The following HDGFL1 variants were observed in gnomAD, a reference collection of about 807,000 sequenced individuals.
HDGFL1 encodes the protein HDGF like 1.
For missense variants in HDGFL1, 422 were observed against 365.3 expected (o/e 1.16, Z -1.27); for synonymous variants, 190 against 165.1 (o/e 1.15, Z -1.16).
chr6:22,570,150 A>G lies in HDGFL1; in HGVS notation c.575A>G (p.Asp192Gly), dbSNP rs1253915211. 1.9e-6 allele frequency: 3 copies of G among 1,547,302 alleles called. No individual in the cohort carries two copies. In the Admixed American group the frequency reaches 6.3e-5, roughly 32 times the overall value. ...GCGGCGGCGGCGGCGACGGCCGTCGACGAGGAGAGTCCGTTCCTCGTGGCG... is the reference window on the plus strand; with the variant it reads ...GCGGCGGCGGCGGCGACGGCCGTCGGCGAGGAGAGTCCGTTCCTCGTGGCG... ...AAAAAAATAV[D>G]EESPFLVAVE... Residue 192 changes from aspartate (D) to glycine (G), a missense_variant, in exon 1 of 1, where the codon GAC (aspartate) becomes GGC (glycine). Coordinates refer to ENST00000510882, the MANE Select transcript of HDGFL1 (RefSeq NM_138574.4).
At position 22,571,378 on chromosome 6, in the gene HDGFL1, G is replaced by A. The variant is rs1345605682; in HGVS notation, c.*1047G>A. On this transcript the variant is annotated 3_prime_UTR_variant, in exon 1 of 1. Coordinates refer to ENST00000510882, the MANE Select transcript of HDGFL1 (RefSeq NM_138574.4). ...CTTTCTGTTTGAAGTTTTATGACTT[G>A]TAGTCAGGCTTTGCTGTTCGTCACA... The A allele has an allele frequency of 6.0e-6, 1 of 167,146 alleles. No homozygotes were observed. Among genetic ancestry groups the A allele is most frequent in the African/African-American group, 2.4e-5 (1 of 41,450 alleles). The allele number at this position is 167,146 out of a possible 1,614,324, so 10.4% of individuals were successfully genotyped here.
In HDGFL1 at chr6:22,570,563, G is replaced by A. The variant is rs1037185065; in HGVS notation, c.*232G>A. On this transcript the variant is annotated 3_prime_UTR_variant, in exon 1 of 1. Transcript: ENST00000510882. ...GTCAGGGCCTCAGTTCCCTCCCTGG[G>A]ATAAAGTGAGGCCACCATCCCAGCT... 2.4e-6 allele frequency: 1 copy of A among 416,268 alleles called. No homozygotes were observed. The highest frequency in any genetic ancestry group is 2.1e-5 in the African/African-American group (1 of 48,620). The allele number at this position is 416,268 out of a possible 1,614,324, so 25.8% of individuals were successfully genotyped here.
Position 22,570,804 on chromosome 6 carries a change from T to G in HDGFL1, c.*473T>G. ...CTGGCAGATAAAGAGCAGAGGGCAC[T>G]TGCAGGGCCTGGGATGAGCAGTCTT... On this transcript the variant is annotated 3_prime_UTR_variant, in exon 1 of 1. Transcript: ENST00000510882. The G allele has an allele frequency of 1.2e-5, 2 of 170,810 alleles. No individual in the cohort carries two copies. The highest frequency in any genetic ancestry group is 2.8e-5 in the Non-Finnish European group (2 of 70,860). 10.6% of individuals were successfully genotyped at this position (170,810 alleles called of 1,614,324 possible).
rs770536500 is a variant in HDGFL1, at chr6:22,569,841, A to C, written c.266A>C (p.Gln89Pro). 2 of 1,607,470 alleles carry C rather than the reference A, an allele frequency of 1.2e-6. No individual in the cohort carries two copies. The highest frequency in any genetic ancestry group is 1.7e-6 in the Non-Finnish European group (2 of 1,176,978). Residue 89 changes from glutamine to proline, a missense_variant, in exon 1 of 1, where the codon CAG becomes CCG. Transcript: ENST00000510882. ...GAAATCGAGAACAACCCCACGGTCC[A>C]GGCCTCCGACTGCCCATTAGCCTCA... ...LWEIENNPTV[Q>P]ASDCPLASEK...
Position 22,570,707 on chromosome 6 carries a change from C to G in HDGFL1, c.*376C>G, listed in dbSNP as rs567295775. ...GGCAGGCTGTTTTCACCTCTAGACA[C>G]CCCTCTCCACCCCTCCTGCTTCCCC... On this transcript the variant is annotated 3_prime_UTR_variant, in exon 1 of 1. Coordinates refer to ENST00000510882, the MANE Select transcript of HDGFL1 (RefSeq NM_138574.4). 3 of 230,136 alleles carry G rather than the reference C, an allele frequency of 1.3e-5. No individual in the cohort carries two copies. The highest frequency in any genetic ancestry group is 4.6e-5 in the African/African-American group (2 of 43,096). The allele number at this position is 230,136 out of a possible 1,614,324, so 14.3% of individuals were successfully genotyped here. A position where few individuals can be genotyped will look rare whatever the true frequency, so the allele number is the denominator to read the frequency against.
Position 22,570,359 on chromosome 6 carries a change from C to T in HDGFL1, c.*28C>T, listed in dbSNP as rs1035372242. ...ACCAGCGTTTCCAGAAGAGCCCCTG[C>T]CCCGTTCCTGCTGCGGCCTGGCCGT... On this transcript the variant is annotated 3_prime_UTR_variant, in exon 1 of 1. Transcript: ENST00000510882. 22 of 1,431,544 alleles carry T rather than the reference C, an allele frequency of 1.5e-5. 1 individual carries two copies. The highest frequency in any genetic ancestry group is 8.0e-5 in the East Asian group (3 of 37,320). 88.7% of individuals were successfully genotyped at this position (1,431,544 alleles called of 1,614,324 possible).
At position 22,570,076 on chromosome 6, in the gene HDGFL1, AGAGGAG is replaced by A; in HGVS notation, c.506_511del (p.Glu169_Glu170del). The A allele has an allele frequency of 1.9e-6, 3 of 1,541,148 alleles. No homozygotes were observed. The highest frequency in any genetic ancestry group is 2.6e-6 in the Non-Finnish European group (3 of 1,144,168). On this transcript the variant is annotated inframe_deletion, in exon 1 of 1. Coordinates refer to ENST00000510882, the MANE Select transcript of HDGFL1 (RefSeq NM_138574.4). ...GACCCAAGGAGGCAGCCCCCGACCA[AGAGGAG>A]GAGGCGGAGGCGGAGAGGGCGGCGG...
In HDGFL1 at chr6:22,571,076, G is replaced by A; in HGVS notation, c.*745G>A. On this transcript the variant is annotated 3_prime_UTR_variant, in exon 1 of 1. Transcript: ENST00000510882. ...AACTTTGCCCAATATCCTGGTTGGG[G>A]ACCGTGAGAAATATCTGTCCCATTT... 1 of 167,110 alleles carries A rather than the reference G, an allele frequency of 6.0e-6. No individual in the cohort carries two copies. 10.4% of individuals were successfully genotyped at this position (167,110 alleles called of 1,614,324 possible). A position where few individuals can be genotyped will look rare whatever the true frequency, so the allele number is the denominator to read the frequency against.
At position 22,570,109 on chromosome 6, in the gene HDGFL1, A is replaced by AGCGGAGAGG. The variant is rs748597044; in HGVS notation, c.539_547dup (p.Glu180_Ala182dup). On this transcript the variant is annotated inframe_insertion, in exon 1 of 1. Transcript: ENST00000510882. Reference sequence around the variant, plus strand: ...AGGCGGAGGCGGAGAGGGCGGCGGAAGCGGAGAGGGCGGCGGCGGCGGCGG... The same window carrying AGCGGAGAGG: ...AGGCGGAGGCGGAGAGGGCGGCGGAAGCGGAGAGGGCGGAGAGGGCGGCGGCGGCGGCGG... The AGCGGAGAGG allele has an allele frequency of 6.5e-7, 1 of 1,533,812 alleles. No individual in the cohort carries two copies. The highest frequency in any genetic ancestry group is 8.8e-7 in the Non-Finnish European group (1 of 1,140,626).
At position 22,569,998 on chromosome 6, in the gene HDGFL1, G is replaced by A; in HGVS notation, c.423G>A (p.Glu141=). The change falls in exon 1 of 1, where the codon GAG becomes GAA. Residue 141 remains glutamate (E), a synonymous_variant. Coordinates refer to ENST00000510882, the MANE Select transcript of HDGFL1 (RefSeq NM_138574.4). ...KPDDDKPTEE[E]KGPLKRSAGD... ...ACGACGACAAGCCCACTGAGGAGGAGAAGGGGCCGCTGAAGAGGAGCGCGG... is the reference window on the plus strand; with the variant it reads ...ACGACGACAAGCCCACTGAGGAGGAAAAGGGGCCGCTGAAGAGGAGCGCGG... 1.3e-6 allele frequency: 2 copies of A among 1,548,750 alleles called. No individual in the cohort carries two copies. The highest frequency in any genetic ancestry group is 1.4e-5 in the African/African-American group (1 of 73,114).
Position 22,570,320 on chromosome 6 carries a change from G to C in HDGFL1, c.745G>C (p.Asp249His). 1 of 1,477,072 alleles carries C rather than the reference G, an allele frequency of 6.8e-7. No homozygotes were observed. Among genetic ancestry groups the C allele is most frequent in the Non-Finnish European group, 9.0e-7 (1 of 1,116,218 alleles). 91.5% of individuals were successfully genotyped at this position (1,477,072 alleles called of 1,614,324 possible). A position where few individuals can be genotyped will look rare whatever the true frequency, so the allele number is the denominator to read the frequency against. ...CGAGGCACCGGGCGGCGGAGATCGC[G>C]ACAGCCTGTAGTTACCAGCGTTTCC... The part of the protein sequence containing the change: ...HAEAPGGGDR[D>H]SL Residue 249 changes from aspartate (D) to histidine (H), a missense_variant, in exon 1 of 1, where the codon GAC (aspartate) becomes CAC (histidine). Transcript: ENST00000510882.
Position 22,570,173 on chromosome 6 carries a change from G to A in HDGFL1, c.598G>A (p.Ala200Thr). The change falls in exon 1 of 1, where the codon GCG becomes ACG. Residue 200 changes from alanine (A) to threonine (T), a missense_variant. Physicochemically the swap from Ala to Thr is moderately conservative, Grantham distance 58. Coordinates refer to ENST00000510882, the MANE Select transcript of HDGFL1 (RefSeq NM_138574.4). ...CGACGAGGAGAGTCCGTTCCTCGTG[G>A]CGGTGGAGAACGGCAGCGCCCCTAG... is the stretch of plus-strand genomic sequence containing the variant. ...AVDEESPFLVAVENGSAPSEP... is the reference protein window; with the variant it reads ...AVDEESPFLVTVENGSAPSEP... The A allele has an allele frequency of 1.3e-6, 2 of 1,561,590 alleles. No individual in the cohort carries two copies. Among genetic ancestry groups the A allele is most frequent in the South Asian group, 1.2e-5 (1 of 84,906 alleles).
rs1480251441 is a variant in HDGFL1 at position 22,570,148 on chromosome 6, C to T, written c.573C>T (p.Val191=). The T allele has an allele frequency of 1.3e-6, 2 of 1,542,558 alleles. No individual in the cohort carries two copies. The highest frequency in any genetic ancestry group is 2.3e-5 in the East Asian group (1 of 42,978). The stretch of plus-strand genomic sequence containing the variant: ...CGGCGGCGGCGGCGGCGACGGCCGT[C>T]GACGAGGAGAGTCCGTTCCTCGTGG... The part of the protein sequence containing the change: ...RAAAAAAATA[V]DEESPFLVAV... Residue 191 remains valine (V), a synonymous_variant, in exon 1 of 1, where the codon GTC becomes GTT. Coordinates refer to ENST00000510882, the MANE Select transcript of HDGFL1 (RefSeq NM_138574.4).
In HDGFL1 at chr6:22,569,826, A is replaced by G; in HGVS notation, c.251A>G (p.Asn84Ser). The G allele has an allele frequency of 6.2e-7, 1 of 1,612,304 alleles. No homozygotes were observed. Among genetic ancestry groups the G allele is most frequent in the Non-Finnish European group, 8.5e-7 (1 of 1,179,208 alleles). Reference sequence around the variant, plus strand: ...AGCGCGGGGCTGTGGGAAATCGAGAACAACCCCACGGTCCAGGCCTCCGAC... The same window carrying G: ...AGCGCGGGGCTGTGGGAAATCGAGAGCAACCCCACGGTCCAGGCCTCCGAC... ...GFSAGLWEIE[N>S]NPTVQASDCP... Residue 84 changes from asparagine to serine, a missense_variant, in exon 1 of 1, where the codon AAC (asparagine) becomes AGC (serine). Asn to Ser is a conservative substitution (Grantham distance 46). Coordinates refer to ENST00000510882, the MANE Select transcript of HDGFL1 (RefSeq NM_138574.4).
chr6:22,570,560 T>G lies in HDGFL1; in HGVS notation c.*229T>G, dbSNP rs1291316224. On this transcript the variant is annotated 3_prime_UTR_variant, in exon 1 of 1. Transcript: ENST00000510882. Reference sequence around the variant, plus strand: ...TGAGTCAGGGCCTCAGTTCCCTCCCTGGGATAAAGTGAGGCCACCATCCCA... The same window carrying G: ...TGAGTCAGGGCCTCAGTTCCCTCCCGGGGATAAAGTGAGGCCACCATCCCA... 4.8e-6 allele frequency: 2 copies of G among 412,722 alleles called. No individual in the cohort carries two copies. Among genetic ancestry groups the G allele is most frequent in the Non-Finnish European group, 4.4e-6 (1 of 228,566 alleles). The allele number at this position is 412,722 out of a possible 1,614,324, so 25.6% of individuals were successfully genotyped here. A position where few individuals can be genotyped will look rare whatever the true frequency, so the allele number is the denominator to read the frequency against.
the HDGFL1 span, chr6:22,569,715 A>AG: frequency 1.2e-6 from 2 of 1,614,158 alleles, no homozygotes; most frequent in Non-Finnish European, 8.5e-7. Context: ...GGGACCCACG[A>AG]GACGGCCTTC....
rs931262631 is a variant in HDGFL1 at position 22,569,774 on chromosome 6, G to C, written c.199G>C (p.Gly67Arg). ...GTACAAGGAGTGCAAGGAGAAGTTC[G>C]GCAAGCCCAACAAGAGGCGCGGCTT... ...FPYKECKEKF[G>R]KPNKRRGFSA... The change falls in exon 1 of 1, where the codon GGC becomes CGC. Residue 67 changes from glycine (G) to arginine (R), a missense_variant. Coordinates refer to ENST00000510882, the MANE Select transcript of HDGFL1 (RefSeq NM_138574.4). The C allele has an allele frequency of 3.1e-6, 5 of 1,613,952 alleles. No homozygotes were observed. The highest frequency in any genetic ancestry group is 1.3e-5 in the African/African-American group (1 of 74,938).
Position 22,570,765 on chromosome 6 carries a change from T to G in HDGFL1, c.*434T>G. Reference sequence around the variant, plus strand: ...ATGAACCTCTGCTTAGGAATATGGGTAGGAGTGAAAGGCCTGGCAGATAAA... The same window carrying G: ...ATGAACCTCTGCTTAGGAATATGGGGAGGAGTGAAAGGCCTGGCAGATAAA... On this transcript the variant is annotated 3_prime_UTR_variant, in exon 1 of 1. Transcript: ENST00000510882. The G allele has an allele frequency of 5.6e-6, 1 of 178,820 alleles. No individual in the cohort carries two copies. The highest frequency in any genetic ancestry group is 1.3e-5 in the Non-Finnish European group (1 of 76,766). 11.1% of individuals were successfully genotyped at this position (178,820 alleles called of 1,614,324 possible). A position where few individuals can be genotyped will look rare whatever the true frequency, so the allele number is the denominator to read the frequency against.
In HDGFL1 at chr6:22,570,565, T is replaced by C. The variant is rs1760907573; in HGVS notation, c.*234T>C. On this transcript the variant is annotated 3_prime_UTR_variant, in exon 1 of 1. Transcript: ENST00000510882. ...CAGGGCCTCAGTTCCCTCCCTGGGA[T>C]AAAGTGAGGCCACCATCCCAGCTTC... is the stretch of plus-strand genomic sequence containing the variant. 1 of 412,398 alleles carries C rather than the reference T, an allele frequency of 2.4e-6. No individual in the cohort carries two copies. The highest frequency in any genetic ancestry group is 4.4e-5 in the Admixed American group (1 of 22,508). 25.5% of individuals were successfully genotyped at this position (412,398 alleles called of 1,614,324 possible).
Sources: allele counts gnomAD v4.1 joint callset, GRCh38; gene constraint gnomAD v4.1.1; transcripts MANE v1.5; gene names NCBI Gene and HGNC (gene_info 2026-07-23, HGNC 2026-07-21).